The following NOS1 variants were observed in gnomAD, a reference collection of about 807,000 sequenced individuals.
The protein encoded by NOS1 is nitric oxide synthase 1, also known as NOS type I.
A neutral mutation model predicts 164.5 loss-of-function variants in NOS1; 51 were observed. The observed-to-expected ratio is 0.31, with a 90% CI of 0.25 to 0.39. NOS1 has a LOEUF of 0.39. Among genes scored for constraint, NOS1 ranks in the 10% least tolerant of loss-of-function variants. The pLI is 1.00. For synonymous variants in NOS1, 719 were observed against 745.8 expected, an observed-to-expected ratio of 0.96 and a Z score of 0.59; for missense variants, 1,362 against 1,885.6, an observed-to-expected ratio of 0.72 and a Z score of 5.14.
At chr12:117,309,258 A>G (rs1874311235) in intron 3 of NOS1, 3 of 787,246 alleles carry the variant, frequency 3.8e-6, no homozygotes, top group Non-Finnish European at 4.6e-6. Context: ...TCCACCAAAC[A>G]TTTCCAGATA....
chr12:117,311,516 T>C lies in NOS1; in HGVS notation c.802A>G (p.Lys268Glu), dbSNP rs1387099412. 2 of 1,612,572 alleles carry C rather than the reference T, an allele frequency of 1.2e-6. No individual in the cohort carries two copies. Among genetic ancestry groups the C allele is most frequent in the Non-Finnish European group, 8.5e-7 (1 of 1,179,436 alleles). ...NDRVFNDLWG[K>E]GNVPVVLNNP... ...TTGAGGACGACAGGCACATTGCCCT[T>C]CCCCCATAGGTCATTGAAGACTCGG... The change falls in exon 3 of 29, where the codon AAG becomes GAG. Residue 268 changes from lysine to glutamate, a missense_variant. Lys to Glu is a moderately conservative substitution (Grantham distance 56). This residue lies in a region of NOS1 where 362 missense variants were observed against 402.0 expected (regional missense o/e 0.90). Transcript: ENST00000317775.
In NOS1 at chr12:117,265,298, G is replaced by A; in HGVS notation, c.2136+18C>T. On this transcript the variant is annotated intron_variant, in intron 12 of 28. Coordinates refer to ENST00000317775, the MANE Select transcript of NOS1 (RefSeq NM_000620.5). The stretch of plus-strand genomic sequence containing the variant: ...TACAGGACACTTAATATGAAAAGAG[G>A]CAGGGACAGGGAAGGACCTGGTATT... 1.3e-6 allele frequency: 2 copies of A among 1,515,356 alleles called. No individual in the cohort carries two copies. The highest frequency in any genetic ancestry group is 2.8e-5 in the South Asian group (2 of 72,054). 93.9% of individuals were successfully genotyped at this position (1,515,356 alleles called of 1,614,324 possible). A position where few individuals can be genotyped will look rare whatever the true frequency, so the allele number is the denominator to read the frequency against.
chr12:117,345,977 T>C (rs1292809023), intron 1 of NOS1, among the ~76,000 whole-genome samples: 1 of 152,162 alleles, frequency 6.6e-6, no homozygotes, highest in Non-Finnish European at 1.5e-5. Flanking sequence ...AGCAGCCCTG[T>C]GAGAGGTGAG....
chr12:117,267,551 C>T lies in NOS1; in HGVS notation c.1941+492G>A, dbSNP rs541889745. Among the ~76,000 whole-genome samples, 4 of 150,450 alleles carry T rather than the reference C, an allele frequency of 2.7e-5. No individual in the cohort carries two copies. The East Asian group carries it at 7.9e-4, about 30-fold the overall frequency. On this transcript the variant is annotated intron_variant, in intron 11 of 28. Coordinates refer to ENST00000317775, the MANE Select transcript of NOS1 (RefSeq NM_000620.5). ...GCAGTGAGTCGAGATTGTGCCACTG[C>T]ACTCTAGTCTGGGCGACAAGAGTGA...
At chr12:117,345,341 C>T (rs1022055020) in intron 1 of NOS1, among the ~76,000 whole-genome samples, 1 of 152,078 alleles carries the variant, frequency 6.6e-6, no homozygotes, top group Admixed American at 6.5e-5. Flanking sequence ...CTCTTTCTGT[C>T]TTGTTATGCT....
intron 1 of NOS1, among the ~76,000 whole-genome samples, chr12:117,337,473 C>T (rs1183288802): frequency 2.0e-5 from 3 of 152,246 alleles, no homozygotes; most frequent in Admixed American, 2.0e-4. Flanking sequence ...ACATGGCTTG[C>T]ATTATATTGC....
In NOS1 at chr12:117,283,036, TTATA is replaced by T. The variant is rs397851004; in HGVS notation, c.1383-2174_1383-2171del. Reference sequence around the variant, plus strand: ...CTATGCACAGATTATTCCTATAACATTATATATATATATATATATATTTTTTTTT... The same window carrying T: ...CTATGCACAGATTATTCCTATAACATTATATATATATATATATTTTTTTTT... On this transcript the variant is annotated intron_variant, in intron 7 of 28. Transcript: ENST00000317775. Among the ~76,000 whole-genome samples the T allele has an allele frequency of 8.6e-3, 1,078 of 125,390 alleles. 10 individuals are homozygous for T. Among genetic ancestry groups the T allele is most frequent in the African/African-American group, 0.03 (971 of 32,132 alleles). 82.3% of individuals were successfully genotyped at this position (125,390 alleles called of 152,430 possible). A position where few individuals can be genotyped will look rare whatever the true frequency, so the allele number is the denominator to read the frequency against.
chr12:117,351,948 A>G (rs1210631359), intron 1 of NOS1, among the ~76,000 whole-genome samples: 1 of 152,180 alleles, frequency 6.6e-6, no homozygotes, highest in East Asian at 1.9e-4. Flanking sequence ...TGGGAGGCCC[A>G]GGTGGGTGGA....
rs74634404 is a variant in NOS1, at chr12:117,242,334, C to T, written c.3041+293G>A. 5.8e-3 allele frequency among the ~76,000 whole-genome samples: 880 copies of T among 152,352 alleles called. 9 individuals carry two copies. Among genetic ancestry groups the T allele is most frequent in the Non-Finnish European group, 7.0e-3 (473 of 68,034 alleles). ...TTCCAGCTAAGATGCTGTGGTACAACGAACATGTGGCGAAGCTACAGGGGT... is the reference window on the plus strand; with the variant it reads ...TTCCAGCTAAGATGCTGTGGTACAATGAACATGTGGCGAAGCTACAGGGGT... On this transcript the variant is annotated intron_variant, in intron 20 of 28. Coordinates refer to ENST00000317775, the MANE Select transcript of NOS1 (RefSeq NM_000620.5).
chr12:117,271,866 T>C (rs1872813947), intron 10 of NOS1, among the ~76,000 whole-genome samples: 1 of 152,196 alleles, frequency 6.6e-6, no homozygotes. Context: ...TGCCGAGAAA[T>C]GCTTAGAGTG....
At chr12:117,259,285 A>G (rs570216948) in intron 14 of NOS1, among the ~76,000 whole-genome samples, 155 bp from the exon 15 acceptor site, 3 of 152,334 alleles carry the variant, frequency 2.0e-5, no homozygotes, top group Non-Finnish European at 2.9e-5. Flanking sequence ...AAGGAGAACC[A>G]AAAGATCTGA....
At chr12:117,336,913 C>T (rs1875847398) in intron 1 of NOS1, among the ~76,000 whole-genome samples, 2 of 151,982 alleles carry the variant, frequency 1.3e-5, no homozygotes. Context: ...CCTCCTACTT[C>T]AGCCCCCTGA....
intron 3 of NOS1, among the ~76,000 whole-genome samples, chr12:117,292,548 T>C (rs1439977176): frequency 1.4e-4 from 22 of 152,190 alleles, no homozygotes; most frequent in Admixed American, 1.4e-3. Flanking sequence ...TAACATTAAA[T>C]GAGCACTGAT....
intron 3 of NOS1, among the ~76,000 whole-genome samples, chr12:117,292,535 G>A (rs7977109): frequency 0.6 from 90,890 of 152,026 alleles, 28,931 homozygotes; most frequent in African/African-American, 0.81. Context: ...TAATACTGAA[G>A]ACTAACATTA....
chr12:117,288,508 G>T (rs1304029595), intron 4 of NOS1, among the ~76,000 whole-genome samples: 3 of 152,128 alleles, frequency 2.0e-5, no homozygotes, highest in East Asian at 1.9e-4. Flanking sequence ...AATATTTTTA[G>T]ATTTTGCATG....
Position 117,326,558 on chromosome 12 carries a change from T to C in NOS1, c.725+3787A>G, listed in dbSNP as rs79598924. Among the ~76,000 whole-genome samples the C allele has an allele frequency of 8.1e-3, 1,239 of 152,330 alleles. 16 individuals are homozygous for C. The highest frequency in any genetic ancestry group is 0.028 in the African/African-American group (1,158 of 41,578). ...CCTGTACTTGCTCTAAGCCACCTTC[T>C]CTAGACCTTGTTTCTCCTCTGAAGC... On this transcript the variant is annotated intron_variant, in intron 2 of 28. Transcript: ENST00000317775.
At chr12:117,359,195 CG>C (rs1038146065) in intron 1 of NOS1, among the ~76,000 whole-genome samples, 1 of 134,658 alleles carries the variant, frequency 7.4e-6, no homozygotes, top group Non-Finnish European at 1.6e-5. Flanking sequence ...GGAAAGGGGC[CG>C]GGGCCCGCCG....
chr12:117,353,783 A>T (rs1370300791), intron 1 of NOS1, among the ~76,000 whole-genome samples: 6 of 145,340 alleles, frequency 4.1e-5, no homozygotes, highest in African/African-American at 1.5e-4. Context: ...TTGTTTTTTT[A>T]AAATAGCCCT....
intron 13 of NOS1, among the ~76,000 whole-genome samples, chr12:117,263,464 A>G (rs1872105216): frequency 6.6e-6 from 1 of 152,042 alleles, no homozygotes; most frequent in African/African-American, 2.4e-5. Flanking sequence ...AGACGCCTCC[A>G]GCCTGGGGAA....
Sources: gnomAD v4.1 joint callset for allele counts (sites outside exome capture counted in the v4.1 genomes callset) on GRCh38, gnomAD v4.1.1 for gene constraint, gnomAD v4.1.1 regional missense constraint, MANE v1.5 for transcripts, NCBI Gene and HGNC (gene_info 2026-07-23, HGNC 2026-07-21) for gene names.